The following ZBTB20 variants were observed in gnomAD, a reference collection of about 807,000 sequenced individuals.
ZBTB20 encodes the protein zinc finger and BTB domain containing 20, also known as zinc finger and BTB domain-containing protein 20.
ZBTB20 carries 9 observed loss-of-function variants against 56.9 expected under a neutral mutation model. That is an observed-to-expected ratio of 0.16 (90% CI 0.10 to 0.28). The LOEUF is 0.28. ZBTB20 is among the 10% of genes least tolerant of loss of function. The pLI, the probability that ZBTB20 is intolerant of heterozygous loss-of-function variation, is 1.00. For missense variants in ZBTB20, 655 were observed against 1,003.0 expected, an observed-to-expected ratio of 0.65 and a Z score of 4.69; for synonymous variants, 417 against 420.7, an observed-to-expected ratio of 0.99 and a Z score of 0.11.
intron 4 of ZBTB20, among the ~76,000 whole-genome samples, chr3:114,897,259 T>C (rs1159898431): frequency 1.3e-5 from 2 of 152,116 alleles, no homozygotes; most frequent in Non-Finnish European, 1.5e-5. Context: ...TCTTTGTCTC[T>C]CACTAGCCTG....
At chr3:114,714,592 C>T (rs1313528178) in intron 5 of ZBTB20, among the ~76,000 whole-genome samples, 1 of 151,704 alleles carries the variant, frequency 6.6e-6, no homozygotes, top group Non-Finnish European at 1.5e-5. Context: ...ATTGTGTCCC[C>T]TTCTTCTTCA....
intron 4 of ZBTB20, among the ~76,000 whole-genome samples, chr3:114,846,247 C>G (rs1386774108): frequency 2.0e-5 from 3 of 152,214 alleles, no homozygotes; most frequent in African/African-American, 4.8e-5. Flanking sequence ...TGAGAGAATT[C>G]ACCATACTGA....
intron 3 of ZBTB20, among the ~76,000 whole-genome samples, chr3:114,954,911 G>C (rs2077195497): frequency 6.6e-6 from 1 of 152,174 alleles, no homozygotes; most frequent in Admixed American, 6.6e-5. Context: ...GTAAACAAAG[G>C]TGTCTTCACT....
intron 7 of ZBTB20, among the ~76,000 whole-genome samples, chr3:114,466,280 G>A (rs886898069): frequency 9.9e-5 from 15 of 152,024 alleles, no homozygotes; most frequent in Admixed American, 2.6e-4. Flanking sequence ...TTCACACCCC[G>A]TTACTTTGTT....
rs1461461148 is a variant in ZBTB20, at chr3:114,317,453, CTCATTTTTGAAAAAA to C, written c.*21537_*21551del. On this transcript the variant is annotated 3_prime_UTR_variant, in exon 12 of 12. Transcript: ENST00000675478. ...AACAAGGCTGCTTGCCATTGCTCAC[CTCATTTTTGAAAAAA>C]TCAGAGAAGTCTATGAAATACAATG... 6.6e-6 allele frequency: 1 copy of C among 151,956 alleles called. No homozygotes were observed. The allele number at this position is 151,956 out of a possible 1,614,324, so 9.4% of individuals were successfully genotyped here.
intron 6 of ZBTB20, among the ~76,000 whole-genome samples, chr3:114,652,167 A>G (rs1431689406): frequency 6.6e-6 from 1 of 152,098 alleles, no homozygotes. Flanking sequence ...ACAGAGACAT[A>G]GAAAGTTCCT....
chr3:114,561,077 C>G (rs1275648171), intron 6 of ZBTB20, among the ~76,000 whole-genome samples: 1 of 152,216 alleles, frequency 6.6e-6, no homozygotes, highest in African/African-American at 2.4e-5. Context: ...AGAAACTACT[C>G]TTTACCTGTT....
chr3:114,374,012 C>G (rs561181044), intron 10 of ZBTB20, among the ~76,000 whole-genome samples: 3 of 152,180 alleles, frequency 2.0e-5, no homozygotes, highest in East Asian at 1.9e-4. Context: ...AAAGTGGAAA[C>G]TCTAGGAAAT....
At chr3:115,003,417 TTTTG>T (rs2079335096) in intron 2 of ZBTB20, among the ~76,000 whole-genome samples, 1 of 149,298 alleles carries the variant, frequency 6.7e-6, no homozygotes, top group African/African-American at 2.4e-5. Context: ...CAGGTTTTTT[TTTTG>T]TTTGTTTTTT....
intron 5 of ZBTB20, among the ~76,000 whole-genome samples, chr3:114,724,354 T>TG (rs1215453282): frequency 6.6e-6 from 1 of 152,192 alleles, no homozygotes; most frequent in Non-Finnish European, 1.5e-5. Flanking sequence ...AGATGACAGT[T>TG]GACTAACATC....
chr3:114,953,623 C>CT (rs2077148828), intron 3 of ZBTB20, among the ~76,000 whole-genome samples: 1 of 151,852 alleles, frequency 6.6e-6, no homozygotes, highest in Admixed American at 6.6e-5. Context: ...CAAAGGACAT[C>CT]ATATAATGTT....
chr3:114,464,792 C>G (rs1409757458), intron 7 of ZBTB20, among the ~76,000 whole-genome samples: 1 of 152,038 alleles, frequency 6.6e-6, no homozygotes, highest in Non-Finnish European at 1.5e-5. Context: ...TGTTAAGAGG[C>G]TCATTTTCAT....
rs538725208 is a variant in ZBTB20, at chr3:114,918,590, G to A, written c.-455-18248C>T. The stretch of plus-strand genomic sequence containing the variant: ...CTTTAGTCAGCAGGTGATGAATCCT[G>A]CCAGGGCTGGGTCCTTCTCTTCAAG... On this transcript the variant is annotated intron_variant, in intron 3 of 11. Transcript: ENST00000675478. 1.2e-4 allele frequency among the ~76,000 whole-genome samples: 19 copies of A among 152,262 alleles called. No individual in the cohort carries two copies. In the South Asian group the frequency reaches 1.9e-3, roughly 15 times the overall value.
chr3:115,022,263 G>T lies in ZBTB20; in HGVS notation c.-506-47847C>A, dbSNP rs2080237564. Among the ~76,000 whole-genome samples, 5 of 150,848 alleles carry T rather than the reference G, an allele frequency of 3.3e-5. No homozygotes were observed. In the Admixed American group the frequency reaches 3.3e-4, roughly 10 times the overall value. On this transcript the variant is annotated intron_variant, in intron 2 of 11. Transcript: ENST00000675478. ...TAACATATATAAAAAGACTCAAGTT[G>T]ATATTCTAAAACATACTTTTAAACA... is the stretch of plus-strand genomic sequence containing the variant.
At chr3:114,396,708 C>T (rs2086365018) in intron 7 of ZBTB20, among the ~76,000 whole-genome samples, 1 of 152,182 alleles carries the variant, frequency 6.6e-6, no homozygotes, top group African/African-American at 2.4e-5. Flanking sequence ...GTGATCCCCA[C>T]CATTGGCTTA....
At chr3:114,654,177 T>C (rs1381344720) in intron 6 of ZBTB20, among the ~76,000 whole-genome samples, 1 of 151,904 alleles carries the variant, frequency 6.6e-6, no homozygotes, top group East Asian at 1.9e-4. Flanking sequence ...TCCCACTTTC[T>C]TAAAGTGGAA....
At chr3:114,995,448 C>A (rs917603281) in intron 2 of ZBTB20, among the ~76,000 whole-genome samples, 1 of 151,800 alleles carries the variant, frequency 6.6e-6, no homozygotes, top group Non-Finnish European at 1.5e-5. Flanking sequence ...TACTGTTAGA[C>A]CTGCTTTTCT....
At chr3:114,852,148 C>T (rs963754681) in intron 4 of ZBTB20, among the ~76,000 whole-genome samples, 2 of 151,618 alleles carry the variant, frequency 1.3e-5, no homozygotes, top group Non-Finnish European at 2.9e-5. Context: ...GTTTTATTTT[C>T]TTCTTCTACT....
At chr3:114,978,152 C>G (rs1280778852) in intron 2 of ZBTB20, among the ~76,000 whole-genome samples, 1 of 150,722 alleles carries the variant, frequency 6.6e-6, no homozygotes, top group East Asian at 2.0e-4. Flanking sequence ...ACATATTATT[C>G]TACTTTTTAA....
Sources: gnomAD v4.1 joint callset for allele counts (sites outside exome capture counted in the v4.1 genomes callset) on GRCh38, gnomAD v4.1.1 for gene constraint, MANE v1.5 for transcripts, NCBI Gene and HGNC (gene_info 2026-07-23, HGNC 2026-07-21) for gene names.